The following ALCAM variants were observed in gnomAD, a reference collection of about 807,000 sequenced individuals.
ALCAM encodes the protein CD166 antigen.
A neutral mutation model predicts 70.9 loss-of-function variants in ALCAM; 30 were observed. That is an observed-to-expected ratio of 0.42 (90% CI 0.32 to 0.57). The LOEUF is 0.57. ALCAM is among the 20% of genes least tolerant of loss of function. The pLI, the probability that ALCAM is intolerant of heterozygous loss-of-function variation, is 0.11. For missense variants in ALCAM, 591 were observed against 695.1 expected (o/e 0.85, Z 1.68); for synonymous variants, 249 against 242.5 (o/e 1.03, Z -0.25).
At chr3:105,507,582 T>G (rs1356411222) in intron 1 of ALCAM, among the ~76,000 whole-genome samples, 1 of 147,666 alleles carries the variant, frequency 6.8e-6, no homozygotes, top group Non-Finnish European at 1.5e-5. Flanking sequence ...TCCCTTCGTG[T>G]TTTTTTCATG....
chr3:105,516,923 A>G (rs895483987), intron 1 of ALCAM, among the ~76,000 whole-genome samples: 3 of 152,138 alleles, frequency 2.0e-5, no homozygotes, highest in African/African-American at 7.2e-5. Flanking sequence ...AACAAATATT[A>G]CAGGGAGAAA....
intron 1 of ALCAM, among the ~76,000 whole-genome samples, chr3:105,478,022 A>C (rs1169081629): frequency 3.9e-5 from 6 of 152,028 alleles, no homozygotes; most frequent in Non-Finnish European, 7.4e-5. Flanking sequence ...AAATAGTGTG[A>C]GCTAATTCTA....
intron 1 of ALCAM, among the ~76,000 whole-genome samples, chr3:105,467,541 T>A (rs1559801490): frequency 1.3e-5 from 2 of 151,238 alleles, no homozygotes; most frequent in Non-Finnish European, 3.0e-5. Flanking sequence ...TAACTTCTCA[T>A]ATTATAATCT....
intron 1 of ALCAM, among the ~76,000 whole-genome samples, chr3:105,405,629 C>G (rs2107382092): frequency 6.6e-6 from 1 of 152,278 alleles, no homozygotes; most frequent in South Asian, 2.1e-4. Context: ...ATGGAACATT[C>G]TCCAAGACAG....
intron 1 of ALCAM, among the ~76,000 whole-genome samples, chr3:105,446,818 G>T (rs1937311784): frequency 6.6e-6 from 1 of 152,066 alleles, no homozygotes; most frequent in African/African-American, 2.4e-5. Flanking sequence ...TGATCTCATA[G>T]AACTAAAGAG....
At chr3:105,394,054 T>C (rs928321711) in intron 1 of ALCAM, among the ~76,000 whole-genome samples, 1 of 151,906 alleles carries the variant, frequency 6.6e-6, no homozygotes, top group Non-Finnish European at 1.5e-5. Context: ...TTTCAAGAGG[T>C]TCACATCAGT....
At chr3:105,411,295 C>T (rs905396798) in intron 1 of ALCAM, among the ~76,000 whole-genome samples, 8 of 152,020 alleles carry the variant, frequency 5.3e-5, no homozygotes, top group African/African-American at 1.9e-4. Flanking sequence ...GGAGGTTATC[C>T]TCAATATATT....
intron 14 of ALCAM, among the ~76,000 whole-genome samples, chr3:105,553,925 G>A (rs1050992953): frequency 6.6e-6 from 1 of 151,802 alleles, no homozygotes; most frequent in African/African-American, 2.4e-5. Flanking sequence ...GCCACATTAG[G>A]CAGAAACATT....
chr3:105,442,973 G>A (rs1450028920), intron 1 of ALCAM, among the ~76,000 whole-genome samples: 2 of 152,066 alleles, frequency 1.3e-5, no homozygotes, highest in Non-Finnish European at 2.9e-5. Flanking sequence ...TGGACTACAG[G>A]TCACCATGCC....
chr3:105,531,671 G>A (rs1300975592), intron 3 of ALCAM, among the ~76,000 whole-genome samples: 2 of 151,750 alleles, frequency 1.3e-5, no homozygotes, highest in Admixed American at 6.6e-5. Context: ...AAGTGCTCAT[G>A]GTAATCAATT....
intron 14 of ALCAM, among the ~76,000 whole-genome samples, chr3:105,569,384 A>G (rs954466747): frequency 6.6e-6 from 1 of 152,180 alleles, no homozygotes; most frequent in African/African-American, 2.4e-5. Context: ...ACTGATTTAT[A>G]GAAATTATAG....
At chr3:105,418,591 G>A (rs1936565661) in intron 1 of ALCAM, among the ~76,000 whole-genome samples, 1 of 151,716 alleles carries the variant, frequency 6.6e-6, no homozygotes, top group African/African-American at 2.4e-5. Flanking sequence ...GAAGAATTGG[G>A]TTATGTTTTT....
intron 1 of ALCAM, among the ~76,000 whole-genome samples, chr3:105,386,724 A>T (rs1935667888): frequency 6.6e-6 from 1 of 151,492 alleles, no homozygotes. Context: ...ATTTAAAATT[A>T]AATTTGTGTG....
rs536447856 is a variant in ALCAM, at chr3:105,462,381, A to G, written c.74-57686A>G. 7.3e-5 allele frequency among the ~76,000 whole-genome samples: 11 copies of G among 151,668 alleles called. No individual in the cohort carries two copies. The South Asian group carries it at 1.5e-3, about 20-fold the overall frequency. ...GGTGAAACTGATGTGTGCCACCCCAAATCTTTGATTATATATTTTATGTAG... is the reference window on the plus strand; with the variant it reads ...GGTGAAACTGATGTGTGCCACCCCAGATCTTTGATTATATATTTTATGTAG... On this transcript the variant is annotated intron_variant, in intron 1 of 15. Transcript: ENST00000306107.
intron 11 of ALCAM, among the ~76,000 whole-genome samples, chr3:105,548,875 C>G (rs1166987954): frequency 6.6e-6 from 1 of 151,378 alleles, no homozygotes; most frequent in Non-Finnish European, 1.5e-5. Flanking sequence ...TTTTTGCTCT[C>G]TAGTTCAATT....
rs558708980 is a variant in ALCAM at position 105,560,463 on chromosome 3, A to G, written c.1664+7878A>G. ...CTTTGACATATATAGATATATTTGA[A>G]CATTTTTTCCCAGTCTGTAGCCTGG... On this transcript the variant is annotated intron_variant, in intron 14 of 15. Coordinates refer to ENST00000306107, the MANE Select transcript of ALCAM (RefSeq NM_001627.4). 6.2e-4 allele frequency among the ~76,000 whole-genome samples: 94 copies of G among 152,270 alleles called. 1 individual carries two copies. Among genetic ancestry groups the G allele is most frequent in the Non-Finnish European group, 1.2e-3 (80 of 68,000 alleles).
rs753626110 is a variant in ALCAM, at chr3:105,534,730, G to T, written c.615G>T (p.Leu205=). ...AGCTCTATACCATGACTTCCACCCTGGAGTACAAGACAACCAAGGCTGACA... is the reference window on the plus strand; with the variant it reads ...AGCTCTATACCATGACTTCCACCCTTGAGTACAAGACAACCAAGGCTGACA... The part of the protein sequence containing the change: ...VTQLYTMTST[L]EYKTTKADIQ... Residue 205 remains leucine (L), a synonymous_variant, in exon 6 of 16, where the codon CTG becomes CTT. Coordinates refer to ENST00000306107, the MANE Select transcript of ALCAM (RefSeq NM_001627.4). 1 of 1,613,594 alleles carries T rather than the reference G, an allele frequency of 6.2e-7. No individual in the cohort carries two copies. Among genetic ancestry groups the T allele is most frequent in the South Asian group, 1.1e-5 (1 of 91,082 alleles).
chr3:105,383,408 A>G (rs1449444966), intron 1 of ALCAM, among the ~76,000 whole-genome samples: 1 of 151,822 alleles, frequency 6.6e-6, no homozygotes, highest in Admixed American at 6.6e-5. Context: ...GTCTACTGAT[A>G]CATAGAACTT....
intron 1 of ALCAM, among the ~76,000 whole-genome samples, chr3:105,372,124 T>C (rs1168121492): frequency 3.3e-5 from 5 of 152,114 alleles, no homozygotes; most frequent in Admixed American, 2.0e-4. Flanking sequence ...TTTTGATTAC[T>C]TTTTTTATTA....
Sources: gnomAD v4.1 joint callset for allele counts (sites outside exome capture counted in the v4.1 genomes callset) on GRCh38, gnomAD v4.1.1 for gene constraint, MANE v1.5 for transcripts, NCBI Gene and HGNC (gene_info 2026-07-23, HGNC 2026-07-21) for gene names.